PRPH: variants seen among roughly 807,000 people sequenced by gnomAD.
PRPH encodes the protein peripherin, also known as neurofilament 4 (57kD).
In PRPH, 48 loss-of-function variants were observed where a neutral mutation model predicts 52.6. That is an observed-to-expected ratio of 0.91 (90% CI 0.72 to 1.16). The LOEUF is 1.16. Ranked by LOEUF, PRPH falls within the 50% of genes most tolerant of loss-of-function variation. PRPH has a pLI of 0.00. For missense variants in PRPH, 579 were observed against 635.7 expected (o/e 0.91, Z 0.96); for synonymous variants, 279 against 283.8 (o/e 0.98, Z 0.17).
chr12:49,298,437 C>T lies in PRPH; in HGVS notation c.*84C>T, dbSNP rs1943219367. On this transcript the variant is annotated 3_prime_UTR_variant, in exon 9 of 9. Coordinates refer to ENST00000257860, the MANE Select transcript of PRPH (RefSeq NM_006262.4). The stretch of plus-strand genomic sequence containing the variant: ...ACCACTCCTGAATTGTCTCCTCTCC[C>T]TCTGCATGTGTCTAAAAGGTGGTAC... 2.1e-6 allele frequency: 3 copies of T among 1,437,676 alleles called. No individual in the cohort carries two copies. The highest frequency in any genetic ancestry group is 2.8e-5 in the African/African-American group (2 of 71,374). 89.1% of individuals were successfully genotyped at this position (1,437,676 alleles called of 1,614,324 possible). A position where few individuals can be genotyped will look rare whatever the true frequency, so the allele number is the denominator to read the frequency against.
intron 1 of PRPH, 76 bp downstream of exon 1, chr12:49,295,821 C>T: frequency 2.1e-6 from 3 of 1,437,080 alleles, no homozygotes; most frequent in Non-Finnish European, 2.7e-6. Flanking sequence ...CTTGCCTCCC[C>T]TCGCTTCCCC....
At position 49,297,096 on chromosome 12, in the gene PRPH, G is replaced by A. The variant is rs751074865; in HGVS notation, c.870+40G>A. On this transcript the variant is annotated intron_variant, in intron 4 of 8. Coordinates refer to ENST00000257860, the MANE Select transcript of PRPH (RefSeq NM_006262.4). The surrounding 1 kb of genome is among the most constrained non-coding windows in gnomAD (Gnocchi z 4.4). ...AGGGCCTGCGAGGCGGGACGCTGGG[G>A]TGGTGTCGCGCGTCCCAGCCGACTA... 10 of 1,613,792 alleles carry A rather than the reference G, an allele frequency of 6.2e-6. No individual in the cohort carries two copies. In the Admixed American group the frequency reaches 1.5e-4, roughly 24 times the overall value.
chr12:49,296,012 A>C lies in PRPH; in HGVS notation c.546-166A>C. Reference sequence around the variant, plus strand: ...TGAGGAAACCCCCTTTTCAGCTCCCAGTCCGTTAGAGACAATGCGGGGCAA... The same window carrying C: ...TGAGGAAACCCCCTTTTCAGCTCCCCGTCCGTTAGAGACAATGCGGGGCAA... On this transcript the variant is annotated intron_variant, in intron 1 of 8. Coordinates refer to ENST00000257860, the MANE Select transcript of PRPH (RefSeq NM_006262.4). This position sits in a 1 kb window ranked among gnomAD's most constrained non-coding sequence, Gnocchi z 5.1. 7.5e-7 allele frequency: 1 copy of C among 1,337,988 alleles called. No individual in the cohort carries two copies. The highest frequency in any genetic ancestry group is 1.0e-6 in the Non-Finnish European group (1 of 980,972). The allele number at this position is 1,337,988 out of a possible 1,614,324, so 82.9% of individuals were successfully genotyped here.
rs1290903130 is a variant in PRPH, at chr12:49,298,309, G to A, written c.1369G>A (p.Glu457Lys). 6.2e-7 allele frequency: 1 copy of A among 1,614,184 alleles called. No homozygotes were observed. The highest frequency in any genetic ancestry group is 8.5e-7 in the Non-Finnish European group (1 of 1,180,030). ...NGEVVTESQK[E>K]QRSELDKSSA... ...GCAGGTGGTGACAGAGTCCCAGAAG[G>A]AGCAGCGCAGTGAGCTGGACAAGTC... is the stretch of plus-strand genomic sequence containing the variant. The change falls in exon 9 of 9, where the codon GAG becomes AAG. Residue 457 changes from glutamate (E) to lysine (K), a missense_variant. Physicochemically the swap from Glu to Lys is moderately conservative, Grantham distance 56. Transcript: ENST00000257860.
chr12:49,296,253 C>G lies in PRPH; in HGVS notation c.606+15C>G, dbSNP rs1017353344. On this transcript the variant is annotated intron_variant, in intron 2 of 8. Transcript: ENST00000257860. This position sits in a 1 kb window ranked among gnomAD's most constrained non-coding sequence, Gnocchi z 5.1. ...TCTTCCGCAAGGTGAGTCCGAGCCCCTCTCCGAGTTCAGCCTCCCCACCGC... is the reference window on the plus strand; with the variant it reads ...TCTTCCGCAAGGTGAGTCCGAGCCCGTCTCCGAGTTCAGCCTCCCCACCGC... 1 of 1,612,616 alleles carries G rather than the reference C, an allele frequency of 6.2e-7. No homozygotes were observed. Among genetic ancestry groups the G allele is most frequent in the East Asian group, 2.2e-5 (1 of 44,848 alleles).
In PRPH at chr12:49,298,349, A is replaced by C. The variant is rs1164699387; in HGVS notation, c.1409A>C (p.Tyr470Ser). ...SELDKSSAHS[Y>S] ...CTGGACAAGTCTTCTGCCCACAGTT[A>C]CTGAACCCCTTGGTCCGGAGCCTTG... Residue 470 changes from tyrosine to serine, a missense_variant, in exon 9 of 9, where the codon TAC becomes TCC. Physicochemically the swap from Tyr to Ser is moderately radical, Grantham distance 144. Coordinates refer to ENST00000257860, the MANE Select transcript of PRPH (RefSeq NM_006262.4). 1 of 1,614,118 alleles carries C rather than the reference A, an allele frequency of 6.2e-7. No individual in the cohort carries two copies. The highest frequency in any genetic ancestry group is 8.5e-7 in the Non-Finnish European group (1 of 1,180,010).
In PRPH at chr12:49,295,527, C is replaced by T. The variant is rs1298919974; in HGVS notation, c.327C>T (p.Ala109=). ...TGCAGGAGCTCAACGACCGCTTCGC[C>T]AACTTCATCGAGAAGGTACGCTTTC... ...QELQELNDRF[A]NFIEKVRFLE... is the part of the protein sequence containing the mutation. Residue 109 remains alanine (A), a synonymous_variant, in exon 1 of 9, where the codon GCC becomes GCT. Coordinates refer to ENST00000257860, the MANE Select transcript of PRPH (RefSeq NM_006262.4). 2 of 1,598,808 alleles carry T rather than the reference C, an allele frequency of 1.3e-6. No individual in the cohort carries two copies. The highest frequency in any genetic ancestry group is 1.1e-5 in the South Asian group (1 of 88,580).
In PRPH at chr12:49,296,882, G is replaced by A. The variant is rs1261725490; in HGVS notation, c.703-7G>A. The stretch of plus-strand genomic sequence containing the variant: ...GCTGTCCATCCTCTGCCTGCTCCCG[G>A]CCGTAGGAGCTGCGAGACCTGCAGG... On this transcript the variant is annotated splice_region_variant and splice_polypyrimidine_tract_variant and intron_variant, in intron 3 of 8. Transcript: ENST00000257860. The surrounding 1 kb of genome is among the most constrained non-coding windows in gnomAD (Gnocchi z 5.1). 1 of 1,607,400 alleles carries A rather than the reference G, an allele frequency of 6.2e-7. No individual in the cohort carries two copies.
chr12:49,297,028 AG>A lies in PRPH; in HGVS notation c.844del (p.Glu282ArgfsTer31). The part of the protein sequence containing the change: ...QYESIAAKNL[Q>X]EAEEWYKSKY... ...GAGAGCATCGCCGCGAAGAACCTGC[AG>A]GAGGCGGAGGAGTGGTACAAGTCCA... On this transcript the variant is annotated frameshift_variant, in exon 4 of 9. Transcript: ENST00000257860. LOFTEE classifies it high-confidence loss of function. This position sits in a 1 kb window ranked among gnomAD's most constrained non-coding sequence, Gnocchi z 4.4. The A allele has an allele frequency of 6.2e-7, 1 of 1,613,888 alleles. No individual in the cohort carries two copies. Among genetic ancestry groups the A allele is most frequent in the Non-Finnish European group, 8.5e-7 (1 of 1,179,942 alleles).
chr12:49,298,310 A>G lies in PRPH; in HGVS notation c.1370A>G (p.Glu457Gly). 1 of 1,614,134 alleles carries G rather than the reference A, an allele frequency of 6.2e-7. No homozygotes were observed. The highest frequency in any genetic ancestry group is 1.1e-5 in the South Asian group (1 of 91,082). Residue 457 changes from glutamate to glycine, a missense_variant, in exon 9 of 9, where the codon GAG (glutamate) becomes GGG (glycine). Transcript: ENST00000257860. Reference protein sequence around the residue: ...NGEVVTESQKEQRSELDKSSA... With the variant: ...NGEVVTESQKGQRSELDKSSA... Reference sequence around the variant, plus strand: ...CAGGTGGTGACAGAGTCCCAGAAGGAGCAGCGCAGTGAGCTGGACAAGTCT... The same window carrying G: ...CAGGTGGTGACAGAGTCCCAGAAGGGGCAGCGCAGTGAGCTGGACAAGTCT...
chr12:49,297,728 T>C lies in PRPH; in HGVS notation c.1267+2T>C. On this transcript the variant is annotated splice_donor_variant, in intron 7 of 8. Transcript: ENST00000257860. LOFTEE classifies it high-confidence loss of function. The surrounding 1 kb of genome is among the most constrained non-coding windows in gnomAD (Gnocchi z 4.4). The stretch of plus-strand genomic sequence containing the variant: ...CCTCCTTAAATATAAAGACGACTGG[T>C]GAGTCTGGCTTACAGCCTGTACCTC... The C allele has an allele frequency of 1.2e-6, 2 of 1,610,646 alleles. No individual in the cohort carries two copies. The highest frequency in any genetic ancestry group is 8.5e-7 in the Non-Finnish European group (1 of 1,177,580).
chr12:49,298,349 A>G lies in PRPH; in HGVS notation c.1409A>G (p.Tyr470Cys). 1 of 1,614,118 alleles carries G rather than the reference A, an allele frequency of 6.2e-7. No individual in the cohort carries two copies. The highest frequency in any genetic ancestry group is 1.1e-5 in the South Asian group (1 of 91,074). The change falls in exon 9 of 9, where the codon TAC (tyrosine) becomes TGC (cysteine). Residue 470 changes from tyrosine (Y) to cysteine (C), a missense_variant. Transcript: ENST00000257860. ...CTGGACAAGTCTTCTGCCCACAGTT[A>G]CTGAACCCCTTGGTCCGGAGCCTTG... ...SELDKSSAHSY is the reference protein window; with the variant it reads ...SELDKSSAHSC
chr12:49,295,464 G>A lies in PRPH; in HGVS notation c.264G>A (p.Gln88=). The A allele has an allele frequency of 6.2e-7, 1 of 1,608,934 alleles. No homozygotes were observed. Among genetic ancestry groups the A allele is most frequent in the Non-Finnish European group, 8.5e-7 (1 of 1,178,246 alleles). ...TCTCCATGGCCGAGGCCCTCAACCA[G>A]GAGTTCCTGGCCACGCGCAGCAACG... ...LDFSMAEALN[Q]EFLATRSNEK... Residue 88 remains glutamine, a synonymous_variant, in exon 1 of 9, where the codon CAG becomes CAA. Coordinates refer to ENST00000257860, the MANE Select transcript of PRPH (RefSeq NM_006262.4).
In PRPH at chr12:49,297,944, C is replaced by A; in HGVS notation, c.1268-14C>A. On this transcript the variant is annotated splice_polypyrimidine_tract_variant and intron_variant, in intron 7 of 8. Coordinates refer to ENST00000257860, the MANE Select transcript of PRPH (RefSeq NM_006262.4). This position sits in a 1 kb window ranked among gnomAD's most constrained non-coding sequence, Gnocchi z 4.4. ...ACGCCTTCCCCCTTGAACCCTTTAT[C>A]CTGCTTTCTTCAGTGCCTGAGGTGG... 6.2e-7 allele frequency: 1 copy of A among 1,613,980 alleles called. No individual in the cohort carries two copies. The highest frequency in any genetic ancestry group is 8.5e-7 in the Non-Finnish European group (1 of 1,179,912).
chr12:49,297,938 C>T lies in PRPH; in HGVS notation c.1268-20C>T, dbSNP rs756491766. ...ATTCCCACGCCTTCCCCCTTGAACCCTTTATCCTGCTTTCTTCAGTGCCTG... is the reference window on the plus strand; with the variant it reads ...ATTCCCACGCCTTCCCCCTTGAACCTTTTATCCTGCTTTCTTCAGTGCCTG... On this transcript the variant is annotated intron_variant, in intron 7 of 8. Transcript: ENST00000257860. The surrounding 1 kb of genome is among the most constrained non-coding windows in gnomAD (Gnocchi z 4.4). The T allele has an allele frequency of 2.5e-6, 4 of 1,613,726 alleles. No individual in the cohort carries two copies. Among genetic ancestry groups the T allele is most frequent in the African/African-American group, 2.7e-5 (2 of 74,908 alleles).
intron 1 of PRPH, chr12:49,295,962 G>A: frequency 7.0e-7 from 1 of 1,430,958 alleles, no homozygotes; most frequent in Non-Finnish European, 9.2e-7. Flanking sequence ...TGGGAGAAGT[G>A]GGTATCTGTG....
At position 49,297,312 on chromosome 12, in the gene PRPH, C is replaced by G; in HGVS notation, c.996+39C>G. 1 of 1,613,754 alleles carries G rather than the reference C, an allele frequency of 6.2e-7. No homozygotes were observed. Among genetic ancestry groups the G allele is most frequent in the Non-Finnish European group, 8.5e-7 (1 of 1,179,984 alleles). ...TGCGCGCTCGGGCCCGGGGAGCGGA[C>G]GATGAAATGTTCTGCAACTGGCCCC... On this transcript the variant is annotated intron_variant, in intron 5 of 8. Coordinates refer to ENST00000257860, the MANE Select transcript of PRPH (RefSeq NM_006262.4). This position sits in a 1 kb window ranked among gnomAD's most constrained non-coding sequence, Gnocchi z 4.4.
Position 49,296,983 on chromosome 12 carries a change from G to A in PRPH, c.797G>A (p.Arg266Lys), listed in dbSNP as rs766658115. The change falls in exon 4 of 9, where the codon AGG becomes AAG. Residue 266 changes from arginine to lysine, a missense_variant. By Grantham distance (26) the Arg-to-Lys change is conservative. Transcript: ENST00000257860. The surrounding 1 kb of genome is among the most constrained non-coding windows in gnomAD (Gnocchi z 5.1). ...AAGCCCGAGCTGACGGCAGCGCTGA[G>A]GGACATCCGCGCGCAGTACGAGAGC... ...TVKPELTAAL[R>K]DIRAQYESIA... is the part of the protein sequence containing the mutation. 6.2e-7 allele frequency: 1 copy of A among 1,613,846 alleles called. No homozygotes were observed. Among genetic ancestry groups the A allele is most frequent in the South Asian group, 1.1e-5 (1 of 91,078 alleles).
chr12:49,295,252 C>G lies in PRPH; in HGVS notation c.52C>G (p.Arg18Gly), dbSNP rs888627788. ...GGCCGGCTTCAGCTCCACCTCATACCGCCGTACCTTCGGTCCACCGCCCTC... is the reference window on the plus strand; with the variant it reads ...GGCCGGCTTCAGCTCCACCTCATACGGCCGTACCTTCGGTCCACCGCCCTC... ...LRAGFSSTSY[R>G]RTFGPPPSLS... Residue 18 changes from arginine (R) to glycine (G), a missense_variant, in exon 1 of 9, where the codon CGC becomes GGC. Arg to Gly is a moderately radical substitution (Grantham distance 125, BLOSUM62 -2). Transcript: ENST00000257860. 2 of 1,611,774 alleles carry G rather than the reference C, an allele frequency of 1.2e-6. No individual in the cohort carries two copies. The highest frequency in any genetic ancestry group is 2.7e-5 in the African/African-American group (2 of 74,908).
Sources: allele counts gnomAD v4.1 joint callset, GRCh38; gene constraint gnomAD v4.1.1; non-coding constraint Gnocchi (gnomAD v3.1); transcripts MANE v1.5; gene names NCBI Gene and HGNC (gene_info 2026-07-23, HGNC 2026-07-21).